FER1L5: variants seen among roughly 807,000 people sequenced by gnomAD.
The protein encoded by FER1L5 is fer-1 like family member 5.
In FER1L5, 187 loss-of-function variants were observed where a neutral mutation model predicts 279.9. The observed-to-expected ratio is 0.67, with a 90% CI of 0.59 to 0.75. The LOEUF (loss-of-function observed/expected upper bound fraction) is 0.75. Among genes scored for constraint, FER1L5 ranks in the 30% least tolerant of loss-of-function variants. The probability of loss-of-function intolerance (pLI) is 0.00; values close to 1 mark genes in which losing one functional copy is unlikely to be tolerated. For synonymous variants in FER1L5, 921 were observed against 989.7 expected (o/e 0.93, Z 1.30); for missense variants, 2,091 against 2,594.4 (o/e 0.81, Z 4.21).
intron 6 of FER1L5, among the ~76,000 whole-genome samples, chr2:96,651,316 TTCTTTCTC>T: frequency 6.6e-6 from 1 of 151,158 alleles, no homozygotes; most frequent in South Asian, 2.1e-4. Flanking sequence ...CCTTCCTTCC[TTCTTTCTC>T]TCTTTCTTTC....
chr2:96,662,650 T>C (rs914974934), intron 13 of FER1L5, among the ~76,000 whole-genome samples: 2 of 152,174 alleles, frequency 1.3e-5, no homozygotes, highest in Non-Finnish European at 2.9e-5. Flanking sequence ...ATGGGTGTCA[T>C]GGGTAAAAAA....
In FER1L5 at chr2:96,684,318, G is replaced by A. The variant is rs2076841125; in HGVS notation, c.1670-9G>A. The stretch of plus-strand genomic sequence containing the variant: ...ACACCCCATCCCTCCATGTGTCTCT[G>A]TGTCTCAGGGAACATCTACCATTAT... On this transcript the variant is annotated splice_polypyrimidine_tract_variant and intron_variant, in intron 19 of 52. Coordinates refer to ENST00000624922, the MANE Select transcript of FER1L5 (RefSeq NM_001293083.2). 1.3e-6 allele frequency: 2 copies of A among 1,550,902 alleles called. No homozygotes were observed. The highest frequency in any genetic ancestry group is 1.7e-6 in the Non-Finnish European group (2 of 1,146,488).
Position 96,693,704 on chromosome 2 carries a change from A to G in FER1L5, c.3474+17A>G. 6.5e-7 allele frequency: 1 copy of G among 1,548,406 alleles called. No homozygotes were observed. Among genetic ancestry groups the G allele is most frequent in the Non-Finnish European group, 8.7e-7 (1 of 1,145,160 alleles). ...GACTTCTGGGTAAGTTGGGCTGGGCAGAGCAAGGGGAAGAGGACCTACCTC... is the reference window on the plus strand; with the variant it reads ...GACTTCTGGGTAAGTTGGGCTGGGCGGAGCAAGGGGAAGAGGACCTACCTC... On this transcript the variant is annotated intron_variant, in intron 32 of 52. Coordinates refer to ENST00000624922, the MANE Select transcript of FER1L5 (RefSeq NM_001293083.2).
chr2:96,643,075 G>A (rs1330144102), intron 1 of FER1L5, among the ~76,000 whole-genome samples, 154 bp downstream of exon 1: 1 of 152,150 alleles, frequency 6.6e-6, no homozygotes, highest in Non-Finnish European at 1.5e-5. Flanking sequence ...AAAACTTATT[G>A]CTATCATTTG....
intron 23 of FER1L5, among the ~76,000 whole-genome samples, chr2:96,686,913 T>C (rs2076951960): frequency 6.7e-6 from 1 of 150,338 alleles, no homozygotes; most frequent in Admixed American, 6.6e-5. Context: ...ATCATCCTCA[T>C]GGCCACCATT....
Position 96,697,519 on chromosome 2 carries a change from T to G in FER1L5, c.4084-7T>G, listed in dbSNP as rs376426515. 1.9e-6 allele frequency: 3 copies of G among 1,612,770 alleles called. No individual in the cohort carries two copies. Among genetic ancestry groups the G allele is most frequent in the Non-Finnish European group, 2.5e-6 (3 of 1,179,488 alleles). On this transcript the variant is annotated splice_polypyrimidine_tract_variant and splice_region_variant and intron_variant, in intron 37 of 52. Coordinates refer to ENST00000624922, the MANE Select transcript of FER1L5 (RefSeq NM_001293083.2). ...GGCTTTCCCTTGCTCACCCTCTCCT[T>G]TTTCAGTTCCTAGGCTACCTCTACA...
At chr2:96,670,950 T>C (rs2076299517) in intron 18 of FER1L5, among the ~76,000 whole-genome samples, 1 of 142,762 alleles carries the variant, frequency 7.0e-6, no homozygotes, top group African/African-American at 2.6e-5. Context: ...ACCAAAAAAA[T>C]ACAAAAATTA....
intron 13 of FER1L5, among the ~76,000 whole-genome samples, chr2:96,662,482 G>A (rs1414625659): frequency 6.6e-6 from 1 of 152,144 alleles, no homozygotes; most frequent in Non-Finnish European, 1.5e-5. Flanking sequence ...ACACGTGGAA[G>A]AATGAGTGCG....
At chr2:96,659,295 T>TTCCTTCCTTCCTTCCC (rs2075739567) in intron 9 of FER1L5, among the ~76,000 whole-genome samples, 1 of 21,974 alleles carries the variant, frequency 4.6e-5, no homozygotes, top group Non-Finnish European at 1.0e-4. Context: ...CAAGCTTTCC[T>TTCCTTCCTTCCTTCCC]TCCTTCCTTC....
chr2:96,654,743 C>G (rs777089029), intron 9 of FER1L5: 28 of 223,618 alleles, frequency 1.3e-4, no homozygotes, highest in African/African-American at 6.4e-4. Context: ...ACTAGAAATA[C>G]AAAAAATTAG....
At position 96,646,979 on chromosome 2, in the gene FER1L5, C is replaced by T. The variant is rs1254396009; in HGVS notation, c.139-85C>T. The T allele has an allele frequency of 7.3e-6, 10 of 1,367,930 alleles. No homozygotes were observed. The Admixed American group carries it at 1.1e-4, about 15-fold the overall frequency. The allele number at this position is 1,367,930 out of a possible 1,614,324, so 84.7% of individuals were successfully genotyped here. A position where few individuals can be genotyped will look rare whatever the true frequency, so the allele number is the denominator to read the frequency against. On this transcript the variant is annotated intron_variant, in intron 2 of 52. Coordinates refer to ENST00000624922, the MANE Select transcript of FER1L5 (RefSeq NM_001293083.2). ...GTCTTAGAGAAATGCAGTGCCAGCC[C>T]GTTCCCCACGTCTTTCCTCATTTCC...
At chr2:96,660,301 C>CA in intron 9 of FER1L5, 40 bp from the exon 10 acceptor site, 1 of 1,551,262 alleles carries the variant, frequency 6.4e-7, no homozygotes, top group Non-Finnish European at 8.7e-7. Flanking sequence ...ATCTTGGCTG[C>CA]AGGCCCTAAC....
At chr2:96,682,458 A>G (rs1413420077) in intron 19 of FER1L5, among the ~76,000 whole-genome samples, 1 of 152,164 alleles carries the variant, frequency 6.6e-6, no homozygotes, top group East Asian at 1.9e-4. Context: ...AGCTGCTATG[A>G]ACATTTTCTC....
intron 12 of FER1L5, 131 bp from the exon 13 acceptor site, chr2:96,662,084 T>G: frequency 2.2e-6 from 2 of 923,518 alleles, no homozygotes; most frequent in Non-Finnish European, 3.3e-6. Context: ...TGGTGGGAAC[T>G]GGAGACAGGT....
At chr2:96,678,748 C>T (rs1364889435) in intron 19 of FER1L5, among the ~76,000 whole-genome samples, 2 of 152,168 alleles carry the variant, frequency 1.3e-5, no homozygotes, top group African/African-American at 2.4e-5. Context: ...TTTTCATGTG[C>T]TCATTAACCA....
At chr2:96,693,199 A>G (rs903145737) in intron 31 of FER1L5, among the ~76,000 whole-genome samples, 3 of 151,166 alleles carry the variant, frequency 2.0e-5, no homozygotes, top group Non-Finnish European at 4.4e-5. Flanking sequence ...AAAAAAAAAA[A>G]GGGCAGTCAC....
chr2:96,664,120 T>C (rs1441225871), intron 14 of FER1L5, among the ~76,000 whole-genome samples: 5 of 111,434 alleles, frequency 4.5e-5, no homozygotes, highest in Admixed American at 1.0e-4. Flanking sequence ...CTCAGGAAAA[T>C]ATAAAAGAAA....
rs1194649530 is a variant in FER1L5, at chr2:96,670,213, T to C, written c.1457T>C (p.Ile486Thr). ...TQIKSYQDST[I>T]KDLSHEVTRI... is the part of the protein sequence containing the mutation. ...ATCAAGTCCTATCAAGACTCCACGATAAAGGATCTCTCCCATGAAGTGACC... is the reference window on the plus strand; with the variant it reads ...ATCAAGTCCTATCAAGACTCCACGACAAAGGATCTCTCCCATGAAGTGACC... The change falls in exon 18 of 53, where the codon ATA becomes ACA. Residue 486 changes from isoleucine to threonine, a missense_variant. Physicochemically the swap from Ile to Thr is moderately conservative, Grantham distance 89 (BLOSUM62 -1). Coordinates refer to ENST00000624922, the MANE Select transcript of FER1L5 (RefSeq NM_001293083.2). 6.4e-7 allele frequency: 1 copy of C among 1,551,586 alleles called. No homozygotes were observed. Among genetic ancestry groups the C allele is most frequent in the South Asian group, 1.2e-5 (1 of 84,066 alleles).
At chr2:96,652,225 G>A in intron 7 of FER1L5, 4 of 649,958 alleles carry the variant, frequency 6.2e-6, no homozygotes, top group South Asian at 5.8e-5. Flanking sequence ...TGGGCTGGTG[G>A]GGGCACAACT....
Sources: allele counts gnomAD v4.1 joint callset (sites outside exome capture counted in the v4.1 genomes callset), GRCh38; gene constraint gnomAD v4.1.1; transcripts MANE v1.5; gene names NCBI Gene and HGNC (gene_info 2026-07-23, HGNC 2026-07-21).